ADAMTSL1: variants seen among roughly 807,000 people sequenced by gnomAD.
ADAMTSL1 encodes the protein ADAMTS-like protein 1.
In ADAMTSL1, 126 loss-of-function variants were observed where a neutral mutation model predicts 201.8. The observed-to-expected ratio is 0.62, with a 90% CI of 0.54 to 0.72. ADAMTSL1 has a LOEUF of 0.72. ADAMTSL1 is among the 30% of genes least tolerant of loss of function. ADAMTSL1 has a pLI of 0.00. For synonymous variants in ADAMTSL1, 1,121 were observed against 903.4 expected (o/e 1.24, Z -4.32); for missense variants, 2,679 against 2,277.8 (o/e 1.18, Z -3.59).
At chr9:18,036,112 A>C (rs947922348) in intron 1 of ADAMTSL1, among the ~76,000 whole-genome samples, 1 of 152,114 alleles carries the variant, frequency 6.6e-6, no homozygotes, top group Non-Finnish European at 1.5e-5. Context: ...CTGAGACTTG[A>C]GGATGGTTAG....
At chr9:18,567,014 C>T (rs992469576) in intron 3 of ADAMTSL1, among the ~76,000 whole-genome samples, 1 of 152,158 alleles carries the variant, frequency 6.6e-6, no homozygotes, top group African/African-American at 2.4e-5. Context: ...GCAACATTCG[C>T]ATCACCTGGG....
chr9:18,463,617 A>G (rs539512173), intron 2 of ADAMTSL1, among the ~76,000 whole-genome samples: 1 of 152,240 alleles, frequency 6.6e-6, no homozygotes, highest in Admixed American at 6.5e-5. Context: ...TACTCTAGGT[A>G]CCTCAAATAA....
At chr9:18,743,443 C>A (rs1818958560) in intron 15 of ADAMTSL1, among the ~76,000 whole-genome samples, 1 of 152,106 alleles carries the variant, frequency 6.6e-6, no homozygotes, top group African/African-American at 2.4e-5. Flanking sequence ...GACGGTTTGA[C>A]AAGAGTCATA....
chr9:18,270,631 A>C (rs544743472), intron 2 of ADAMTSL1, among the ~76,000 whole-genome samples: 2 of 152,318 alleles, frequency 1.3e-5, no homozygotes, highest in East Asian at 3.9e-4. Flanking sequence ...TTTTATCCAG[A>C]AAGGCAACAC....
rs10963834 is a variant in ADAMTSL1, at chr9:18,906,478, G to C, written c.4962-214G>C. Among the ~76,000 whole-genome samples the C allele has an allele frequency of 2.0e-3, 303 of 152,322 alleles. 3 individuals carry two copies. The highest frequency in any genetic ancestry group is 6.9e-3 in the African/African-American group (286 of 41,574). ...TGCAGTGAGATCCTTATTCATTACA[G>C]AGAAGAGCAGATGGAGGCCCAGTAA... On this transcript the variant is annotated intron_variant, in intron 27 of 28. Transcript: ENST00000380548.
At chr9:18,189,601 A>G (rs1828886390) in intron 2 of ADAMTSL1, among the ~76,000 whole-genome samples, 4 of 152,154 alleles carry the variant, frequency 2.6e-5, no homozygotes, top group East Asian at 1.9e-4. Context: ...CAGATATGTC[A>G]TAGTTTGAAA....
At chr9:18,618,643 T>C (rs1039502365) in intron 4 of ADAMTSL1, among the ~76,000 whole-genome samples, 1 of 151,838 alleles carries the variant, frequency 6.6e-6, no homozygotes, top group Admixed American at 6.6e-5. Flanking sequence ...TCTTTCTCTC[T>C]TTCTGCTCTG....
intron 2 of ADAMTSL1, among the ~76,000 whole-genome samples, chr9:18,341,664 A>G (rs1835467827): frequency 1.3e-5 from 2 of 152,234 alleles, no homozygotes; most frequent in African/African-American, 4.8e-5. Context: ...AATATTTTTT[A>G]TTTTCTCTCA....
intron 1 of ADAMTSL1, among the ~76,000 whole-genome samples, chr9:18,070,534 A>G (rs1295084364): frequency 6.6e-6 from 1 of 152,184 alleles, no homozygotes; most frequent in Non-Finnish European, 1.5e-5. Context: ...GGAGGATGCA[A>G]ATTTGAGGAA....
intron 15 of ADAMTSL1, among the ~76,000 whole-genome samples, chr9:18,747,893 C>A (rs150939951): frequency 6.6e-5 from 10 of 152,272 alleles, no homozygotes; most frequent in Admixed American, 2.6e-4. Flanking sequence ...AATTAGGAAG[C>A]CAAGCTGAAA....
intron 16 of ADAMTSL1, among the ~76,000 whole-genome samples, chr9:18,754,754 A>G (rs1819651291): frequency 1.3e-5 from 2 of 152,214 alleles, no homozygotes; most frequent in Admixed American, 6.5e-5. Context: ...GCAAAACACT[A>G]AGTATGAAGC....
chr9:18,597,764 C>G (rs1017971469), intron 4 of ADAMTSL1, among the ~76,000 whole-genome samples: 4 of 151,906 alleles, frequency 2.6e-5, no homozygotes, highest in Non-Finnish European at 5.9e-5. Flanking sequence ...TGTAAAGATC[C>G]TTAATGAAAA....
rs1037626131 is a variant in ADAMTSL1, at chr9:18,694,040, G to A, written c.1574+9240G>A. On this transcript the variant is annotated intron_variant, in intron 13 of 28. Transcript: ENST00000380548. Reference sequence around the variant, plus strand: ...CATGGCAGAAGGAGAAGGGGAAGCAGGCACATCTTACATGGCTAGACAAGG... The same window carrying A: ...CATGGCAGAAGGAGAAGGGGAAGCAAGCACATCTTACATGGCTAGACAAGG... Among the ~76,000 whole-genome samples the A allele has an allele frequency of 9.2e-5, 14 of 152,250 alleles. 1 individual carries two copies. The highest frequency in any genetic ancestry group is 2.0e-4 in the Admixed American group (3 of 15,278).
intron 19 of ADAMTSL1, among the ~76,000 whole-genome samples, chr9:18,794,726 C>A (rs1055043066): frequency 1.1e-4 from 17 of 152,048 alleles, no homozygotes; most frequent in Admixed American, 1.3e-4. Flanking sequence ...CTCTGCCCCC[C>A]ACGTTCAAGT....
At chr9:17,965,372 C>T (rs1045959053) in intron 1 of ADAMTSL1, among the ~76,000 whole-genome samples, 1 of 152,054 alleles carries the variant, frequency 6.6e-6, no homozygotes, top group South Asian at 2.1e-4. Flanking sequence ...ACATTAAATA[C>T]TGATGAATTA....
intron 2 of ADAMTSL1, among the ~76,000 whole-genome samples, chr9:18,420,851 C>G (rs988144655): frequency 5.9e-5 from 9 of 152,164 alleles, no homozygotes; most frequent in African/African-American, 1.9e-4. Context: ...CGAATGCCAA[C>G]TCTGAATGGT....
chr9:18,223,233 C>G (rs1830328994), intron 2 of ADAMTSL1, among the ~76,000 whole-genome samples: 1 of 151,984 alleles, frequency 6.6e-6, no homozygotes, highest in Non-Finnish European at 1.5e-5. Context: ...GAACATGATA[C>G]TCAAAAGGAA....
intron 1 of ADAMTSL1, among the ~76,000 whole-genome samples, chr9:18,499,303 T>C (rs911378259): frequency 2.0e-5 from 3 of 152,252 alleles, no homozygotes; most frequent in African/African-American, 4.8e-5. Context: ...AAAAAGCTAA[T>C]GGACTTTTAC....
At chr9:18,597,549 A>T (rs1007500637) in intron 4 of ADAMTSL1, among the ~76,000 whole-genome samples, 3 of 152,228 alleles carry the variant, frequency 2.0e-5, no homozygotes, top group African/African-American at 7.2e-5. Context: ...TTTAAGTCAA[A>T]TTAAAAATAG....
Sources: gnomAD v4.1 joint callset for allele counts (sites outside exome capture counted in the v4.1 genomes callset) on GRCh38, gnomAD v4.1.1 for gene constraint, MANE v1.5 for transcripts, NCBI Gene and HGNC (gene_info 2026-07-23, HGNC 2026-07-21) for gene names.